NEXMIF: variants seen among roughly 807,000 people sequenced by gnomAD.
NEXMIF encodes neurite extension and migration factor, also known as XLMR protein related to neurite extension.
NEXMIF carries 8 observed loss-of-function variants against 62.1 expected under a neutral mutation model. That is an observed-to-expected ratio of 0.13 (90% CI 0.08 to 0.23). NEXMIF has a LOEUF of 0.23. Ranked by LOEUF, NEXMIF falls within the 10% of genes least tolerant of loss-of-function variation. The probability of loss-of-function intolerance (pLI) is 1.00; values close to 1 mark genes in which losing one functional copy is unlikely to be tolerated. For synonymous variants in NEXMIF, 404 were observed against 416.6 expected, an observed-to-expected ratio of 0.97 and a Z score of 0.37; for missense variants, 976 against 1,113.3, an observed-to-expected ratio of 0.88 and a Z score of 1.75.
intron 1 of NEXMIF, among the ~76,000 whole-genome samples, chrX:74,817,270 T>C (rs2080379030): frequency 8.9e-6 from 1 of 111,907 alleles, no homozygotes; most frequent in South Asian, 3.8e-4. Context: ...AATGGAAGGT[T>C]ACTATAGCAT....
At chrX:74,890,221 T>C (rs1378411166) in intron 1 of NEXMIF, among the ~76,000 whole-genome samples, 1 of 109,813 alleles carries the variant, frequency 9.1e-6, no homozygotes, top group East Asian at 3.1e-4. Context: ...AGGAGAGATA[T>C]GCATTCAATG....
At chrX:74,815,535 T>C (rs2080373153) in intron 1 of NEXMIF, among the ~76,000 whole-genome samples, 1 of 111,566 alleles carries the variant, frequency 9.0e-6, no homozygotes, top group South Asian at 3.7e-4. Flanking sequence ...TTTCCACATA[T>C]TCTCATTCCC....
At chrX:74,823,643 G>T (rs933030689) in intron 1 of NEXMIF, among the ~76,000 whole-genome samples, 2 of 109,692 alleles carry the variant, frequency 1.8e-5, no homozygotes, top group Admixed American at 9.8e-5. Context: ...GTTCTCAAAT[G>T]CTTCAGAAAA....
At chrX:74,877,123 C>G (rs2080638844) in intron 1 of NEXMIF, among the ~76,000 whole-genome samples, 1 of 111,862 alleles carries the variant, frequency 8.9e-6, no homozygotes, top group South Asian at 3.8e-4. Context: ...TTTGCAGCAG[C>G]TGGTACAGGT....
intron 1 of NEXMIF, among the ~76,000 whole-genome samples, chrX:74,856,451 T>C (rs2080535265): frequency 9.0e-6 from 1 of 111,249 alleles, no homozygotes; most frequent in Non-Finnish European, 1.9e-5. Flanking sequence ...TGCCCCAACA[T>C]ACACATGATG....
intron 1 of NEXMIF, among the ~76,000 whole-genome samples, chrX:74,773,945 C>G (rs1028147877): frequency 8.1e-5 from 8 of 98,875 alleles, no homozygotes; most frequent in Non-Finnish European, 1.6e-4. Context: ...AATAAGAAAA[C>G]GAGAGAAGAG....
In NEXMIF at chrX:74,734,439, C is replaced by T. The variant is rs1237833722; in HGVS notation, c.*4966G>A. The T allele has an allele frequency of 8.9e-6, 1 of 112,161 alleles. No homozygotes were observed. Among genetic ancestry groups the T allele is most frequent in the Non-Finnish European group, 1.9e-5 (1 of 53,148 alleles). The allele number at this position is 112,161 out of a possible 1,213,427, so 9.2% of individuals were successfully genotyped here. A position where few individuals can be genotyped will look rare whatever the true frequency, so the allele number is the denominator to read the frequency against. Reference sequence around the variant, plus strand: ...GGGAGTGAAAAACAAAAGGCCTCTTCTAGTTTTCATTCTAAGCCTTTTTTT... The same window carrying T: ...GGGAGTGAAAAACAAAAGGCCTCTTTTAGTTTTCATTCTAAGCCTTTTTTT... On this transcript the variant is annotated 3_prime_UTR_variant, in exon 4 of 4. Coordinates refer to ENST00000055682, the MANE Select transcript of NEXMIF (RefSeq NM_001008537.3).
At chrX:74,851,799 A>C (rs763738879) in intron 1 of NEXMIF, among the ~76,000 whole-genome samples, 19 of 111,754 alleles carry the variant, frequency 1.7e-4, no homozygotes, top group Non-Finnish European at 3.6e-4. Flanking sequence ...GTATAAAACC[A>C]CTGGTAGAGC....
intron 1 of NEXMIF, among the ~76,000 whole-genome samples, chrX:74,855,414 A>G (rs934661969): frequency 2.7e-5 from 3 of 112,276 alleles, no homozygotes; most frequent in African/African-American, 9.7e-5. Flanking sequence ...GCTGAAAACA[A>G]TCAGTGGCAA....
intron 1 of NEXMIF, among the ~76,000 whole-genome samples, chrX:74,807,058 A>T (rs1400299232): frequency 8.9e-6 from 1 of 112,499 alleles, no homozygotes; most frequent in East Asian, 2.8e-4. Flanking sequence ...CTTTAGAATT[A>T]CTTTGTTGAT....
At chrX:74,806,822 C>T (rs181566337) in intron 1 of NEXMIF, among the ~76,000 whole-genome samples, 129 of 112,737 alleles carry the variant, frequency 1.1e-3, no homozygotes, top group Non-Finnish European at 1.1e-3. Context: ...GTTGAAAAGT[C>T]TATCTTTTCC....
intron 1 of NEXMIF, among the ~76,000 whole-genome samples, chrX:74,857,916 T>C (rs935375502): frequency 8.5e-4 from 95 of 111,428 alleles, no homozygotes; most frequent in African/African-American, 2.7e-3. Context: ...ATGGAGTGAG[T>C]CTCTTCTGCC....
chrX:74,845,664 T>A (rs938338235), intron 1 of NEXMIF, among the ~76,000 whole-genome samples: 1 of 111,711 alleles, frequency 9.0e-6, no homozygotes, highest in Non-Finnish European at 1.9e-5. Context: ...CTATTTGTGA[T>A]ATAATTCAAT....
At chrX:74,852,703 T>G (rs1156929109) in intron 1 of NEXMIF, among the ~76,000 whole-genome samples, 1 of 111,335 alleles carries the variant, frequency 9.0e-6, no homozygotes, top group Admixed American at 9.6e-5. Context: ...GACCACTGGA[T>G]TAAAGAAAAA....
chrX:74,873,747 G>A (rs1181064570), intron 1 of NEXMIF, among the ~76,000 whole-genome samples: 1 of 112,355 alleles, frequency 8.9e-6, no homozygotes, highest in African/African-American at 3.2e-5. Context: ...GGCCAGTGAT[G>A]ATGAGCATTT....
At chrX:74,906,889 T>C (rs1263669199) in intron 1 of NEXMIF, among the ~76,000 whole-genome samples, 5 of 111,682 alleles carry the variant, frequency 4.5e-5, no homozygotes. Context: ...TTGCTGCATA[T>C]TAATTGATCA....
chrX:74,826,467 T>C (rs1237253829), intron 1 of NEXMIF, among the ~76,000 whole-genome samples: 1 of 112,146 alleles, frequency 8.9e-6, no homozygotes, highest in African/African-American at 3.2e-5. Context: ...GGTCATTTGT[T>C]TCCTGGCTAC....
At chrX:74,750,575 T>C (rs2080138983) in intron 1 of NEXMIF, among the ~76,000 whole-genome samples, 1 of 111,768 alleles carries the variant, frequency 8.9e-6, no homozygotes, top group Non-Finnish European at 1.9e-5. Flanking sequence ...CCACAGACAG[T>C]TTTCCAAGCT....
intron 1 of NEXMIF, among the ~76,000 whole-genome samples, chrX:74,846,904 G>A: frequency 8.9e-6 from 1 of 112,029 alleles, no homozygotes; most frequent in Non-Finnish European, 1.9e-5. Flanking sequence ...CCCATGCTGG[G>A]TGAAGGGGAT....
Sources: gnomAD v4.1 joint callset for allele counts (sites outside exome capture counted in the v4.1 genomes callset) on GRCh38, gnomAD v4.1.1 for gene constraint, MANE v1.5 for transcripts, NCBI Gene and HGNC (gene_info 2026-07-23, HGNC 2026-07-21) for gene names.